Variants in CDK6 observed in about 807,000 individuals in gnomAD.
The protein encoded by CDK6 is cyclin-dependent kinase 6.
CDK6 carries 6 observed loss-of-function variants against 37.1 expected under a neutral mutation model. The ratio of observed to expected loss-of-function variants is 0.16; its 90% CI spans 0.09 to 0.32. The LOEUF (loss-of-function observed/expected upper bound fraction) is 0.32. Among genes scored for constraint, CDK6 ranks in the 10% least tolerant of loss-of-function variants. The pLI is 1.00. For missense variants in CDK6, 224 were observed against 418.9 expected (o/e 0.53, Z 4.06); for synonymous variants, 160 against 161.3 (o/e 0.99, Z 0.06).
Position 92,649,961 on chromosome 7 carries a change from T to C in CDK6, c.647+21465A>G, listed in dbSNP as rs926815205. On this transcript the variant is annotated intron_variant, in intron 5 of 7. Transcript: ENST00000424848. ...GTGCTAACACATCTTGAAAAGCTTG[T>C]CTAAGCTTTACAATTGTACCAGAAG... Among the ~76,000 whole-genome samples, 3 of 152,204 alleles carry C rather than the reference T, an allele frequency of 2.0e-5. 1 individual carries two copies. Among genetic ancestry groups the C allele is most frequent in the African/African-American group, 7.2e-5 (3 of 41,444 alleles).
In CDK6 at chr7:92,605,981, G is replaced by C. The variant is rs1300253235; in HGVS notation, c.*9159C>G. 1 of 233,526 alleles carries C rather than the reference G, an allele frequency of 4.3e-6. No individual in the cohort carries two copies. Among genetic ancestry groups the C allele is most frequent in the Non-Finnish European group, 8.5e-6 (1 of 118,030 alleles). 14.5% of individuals were successfully genotyped at this position (233,526 alleles called of 1,614,324 possible). On this transcript the variant is annotated 3_prime_UTR_variant, in exon 8 of 8. Coordinates refer to ENST00000424848, the MANE Select transcript of CDK6 (RefSeq NM_001145306.2). ...AGTGAATTTCCACACTGCTTCTTGG[G>C]TCTGCAGAACTCAAAGCACCAAAAC...
At chr7:92,764,650 C>G (rs1799535393) in intron 3 of CDK6, among the ~76,000 whole-genome samples, 1 of 152,206 alleles carries the variant, frequency 6.6e-6, no homozygotes. Flanking sequence ...ATGACAGTAA[C>G]TACAACATTA....
Position 92,674,980 on chromosome 7 carries a change from C to T in CDK6, c.538-3445G>A, listed in dbSNP as rs142260053. On this transcript the variant is annotated intron_variant, in intron 4 of 7. Coordinates refer to ENST00000424848, the MANE Select transcript of CDK6 (RefSeq NM_001145306.2). Reference sequence around the variant, plus strand: ...CCAGGTAGCTGGGACTACAGGCACACGCCACCACACCTGGCTAATATTTTT... The same window carrying T: ...CCAGGTAGCTGGGACTACAGGCACATGCCACCACACCTGGCTAATATTTTT... 7.2e-5 allele frequency among the ~76,000 whole-genome samples: 11 copies of T among 152,176 alleles called. No individual in the cohort carries two copies. In the East Asian group the frequency reaches 9.7e-4, roughly 13 times the overall value.
rs77113837 is a variant in CDK6, at chr7:92,752,326, T to G, written c.369+22370A>C. Among the ~76,000 whole-genome samples the G allele has an allele frequency of 3.2e-3, 480 of 152,328 alleles. 2 individuals are homozygous for G. The highest frequency in any genetic ancestry group is 0.011 in the African/African-American group (460 of 41,580). ...CAATGGCATTGCAGAGGTTGAACTATTCCACTGTTCATGAAAATAGTCATG... is the reference window on the plus strand; with the variant it reads ...CAATGGCATTGCAGAGGTTGAACTAGTCCACTGTTCATGAAAATAGTCATG... On this transcript the variant is annotated intron_variant, in intron 3 of 7. Coordinates refer to ENST00000424848, the MANE Select transcript of CDK6 (RefSeq NM_001145306.2).
intron 4 of CDK6, among the ~76,000 whole-genome samples, chr7:92,691,558 T>A (rs1797600244): frequency 6.6e-6 from 1 of 152,230 alleles, no homozygotes; most frequent in Admixed American, 6.5e-5. Context: ...TTTGGGCAAT[T>A]TTATTATTCA....
intron 2 of CDK6, among the ~76,000 whole-genome samples, chr7:92,780,553 G>A (rs962054358): frequency 2.0e-5 from 3 of 151,920 alleles, no homozygotes; most frequent in African/African-American, 7.2e-5. Flanking sequence ...GAGGTCAGGA[G>A]ATCGAGACCA....
Position 92,728,484 on chromosome 7 carries a change from A to G in CDK6, c.370-2691T>C, listed in dbSNP as rs192454988. Among the ~76,000 whole-genome samples the G allele has an allele frequency of 1.1e-4, 16 of 152,276 alleles. No homozygotes were observed. In the East Asian group the frequency reaches 3.1e-3, roughly 29 times the overall value. On this transcript the variant is annotated intron_variant, in intron 3 of 7. Transcript: ENST00000424848. ...AATATGACTTTTTTTATACAATGAG[A>G]TTTTTAATGGCTGCATGGTTTTTCA...
intron 5 of CDK6, among the ~76,000 whole-genome samples, chr7:92,653,242 A>G (rs566276318): frequency 6.6e-6 from 1 of 152,230 alleles, no homozygotes; most frequent in African/African-American, 2.4e-5. Context: ...ATGTTCTTCA[A>G]TCTACCATCT....
chr7:92,760,916 T>C (rs751903854), intron 3 of CDK6, among the ~76,000 whole-genome samples: 1 of 152,096 alleles, frequency 6.6e-6, no homozygotes, highest in Non-Finnish European at 1.5e-5. Flanking sequence ...ATTTTTTTAT[T>C]GTTCATTTCT....
chr7:92,826,404 A>G (rs1259992662), intron 2 of CDK6, among the ~76,000 whole-genome samples: 1 of 152,186 alleles, frequency 6.6e-6, no homozygotes, highest in Non-Finnish European at 1.5e-5. Flanking sequence ...ATTAAGGAAT[A>G]CAGAACAAAG....
intron 4 of CDK6, among the ~76,000 whole-genome samples, chr7:92,705,629 C>T (rs2116670074): frequency 6.6e-6 from 1 of 152,250 alleles, no homozygotes; most frequent in Middle Eastern, 3.4e-3. Flanking sequence ...TGCAGAAGCT[C>T]CTGAATTATG....
At chr7:92,818,044 C>T (rs1024242191) in intron 2 of CDK6, among the ~76,000 whole-genome samples, 2 of 151,940 alleles carry the variant, frequency 1.3e-5, no homozygotes, top group Non-Finnish European at 2.9e-5. Flanking sequence ...TCTATGCCTT[C>T]GCCCTAATTA....
rs149626785 is a variant in CDK6 at position 92,647,185 on chromosome 7, T to C, written c.648-24099A>G. On this transcript the variant is annotated intron_variant, in intron 5 of 7. Coordinates refer to ENST00000424848, the MANE Select transcript of CDK6 (RefSeq NM_001145306.2). ...GCTCTGTTAGGTACTAGTTATACAGTGGTGAGTAAAATAGAGAGGGTCTGG... is the reference window on the plus strand; with the variant it reads ...GCTCTGTTAGGTACTAGTTATACAGCGGTGAGTAAAATAGAGAGGGTCTGG... Among the ~76,000 whole-genome samples the C allele has an allele frequency of 1.1e-4, 16 of 152,280 alleles. No individual in the cohort carries two copies. The East Asian group carries it at 3.1e-3, about 29-fold the overall frequency.
Position 92,613,684 on chromosome 7 carries a change from A to G in CDK6, c.*1456T>C, listed in dbSNP as rs1391951419. ...ATGTATGGCCCTAAAACATAGCTAAAGACATACCCTCAGGTAAAGACACTG... is the reference window on the plus strand; with the variant it reads ...ATGTATGGCCCTAAAACATAGCTAAGGACATACCCTCAGGTAAAGACACTG... On this transcript the variant is annotated 3_prime_UTR_variant, in exon 8 of 8. Coordinates refer to ENST00000424848, the MANE Select transcript of CDK6 (RefSeq NM_001145306.2). 4.3e-6 allele frequency: 1 copy of G among 233,120 alleles called. No homozygotes were observed. Among genetic ancestry groups the G allele is most frequent in the Non-Finnish European group, 8.5e-6 (1 of 118,018 alleles). 14.4% of individuals were successfully genotyped at this position (233,120 alleles called of 1,614,324 possible). A position where few individuals can be genotyped will look rare whatever the true frequency, so the allele number is the denominator to read the frequency against.
intron 3 of CDK6, among the ~76,000 whole-genome samples, chr7:92,734,558 G>T (rs887755281): frequency 6.6e-6 from 1 of 152,108 alleles, no homozygotes; most frequent in Admixed American, 6.5e-5. Context: ...CCACCACATT[G>T]TACTAATGGG....
chr7:92,659,328 G>A (rs946033962), intron 5 of CDK6, among the ~76,000 whole-genome samples: 1 of 152,048 alleles, frequency 6.6e-6, no homozygotes, highest in African/African-American at 2.4e-5. Flanking sequence ...TTAGTAAAAA[G>A]AAAGAATGTA....
chr7:92,790,684 A>G (rs1800259068), intron 2 of CDK6, among the ~76,000 whole-genome samples: 1 of 152,166 alleles, frequency 6.6e-6, no homozygotes, highest in African/African-American at 2.4e-5. Context: ...ACTTATTCAA[A>G]TCCGCACACA....
At chr7:92,702,837 G>C (rs1190605352) in intron 4 of CDK6, among the ~76,000 whole-genome samples, 1 of 152,098 alleles carries the variant, frequency 6.6e-6, no homozygotes, top group African/African-American at 2.4e-5. Context: ...CTATGTTAAG[G>C]GGTTTCTCAA....
chr7:92,683,401 T>C (rs1177532330), intron 4 of CDK6, among the ~76,000 whole-genome samples: 4 of 152,208 alleles, frequency 2.6e-5, no homozygotes, highest in Admixed American at 1.3e-4. Context: ...GCAGGTTATA[T>C]GGTTAGTGCA....
Sources: allele counts gnomAD v4.1 joint callset (sites outside exome capture counted in the v4.1 genomes callset), GRCh38; gene constraint gnomAD v4.1.1; transcripts MANE v1.5; gene names NCBI Gene and HGNC (gene_info 2026-07-23, HGNC 2026-07-21).